PLCXD3: variants seen among roughly 807,000 people sequenced by gnomAD.
The protein encoded by PLCXD3 is PI-PLC X domain-containing protein 3.
Under a neutral mutation model 25.5 loss-of-function variants are expected in PLCXD3, and 19 were observed. That is an observed-to-expected ratio of 0.75 (90% CI 0.52 to 1.09). The LOEUF (loss-of-function observed/expected upper bound fraction) is 1.09. Among genes scored for constraint, PLCXD3 ranks in the 50% least tolerant of loss-of-function variants. The pLI is 0.00. For missense variants in PLCXD3, 411 were observed against 388.1 expected (o/e 1.06, Z -0.50); for synonymous variants, 174 against 137.6 (o/e 1.26, Z -1.85).
chr5:41,503,968 T>A (rs897860178), intron 1 of PLCXD3, among the ~76,000 whole-genome samples: 12 of 110,732 alleles, frequency 1.1e-4, no homozygotes, highest in Admixed American at 4.0e-4. Flanking sequence ...AATTAAAATG[T>A]GTGTGTGTGT....
chr5:41,449,071 G>A (rs376078623), intron 1 of PLCXD3, among the ~76,000 whole-genome samples: 3 of 151,942 alleles, frequency 2.0e-5, no homozygotes, highest in African/African-American at 7.3e-5. Context: ...GGACTCCTAC[G>A]ATATATATAG....
chr5:41,320,179 AT>A (rs1483591306), intron 2 of PLCXD3, among the ~76,000 whole-genome samples: 1 of 152,156 alleles, frequency 6.6e-6, no homozygotes, highest in Non-Finnish European at 1.5e-5. Flanking sequence ...TCTACCAAAC[AT>A]TTAAAGAAAA....
chr5:41,485,862 T>C (rs977597829), intron 1 of PLCXD3, among the ~76,000 whole-genome samples: 38 of 152,238 alleles, frequency 2.5e-4, no homozygotes, highest in Non-Finnish European at 1.5e-5. Flanking sequence ...TGACCTGCTC[T>C]TACATAGTTC....
At chr5:41,328,689 C>T (rs906951700) in intron 2 of PLCXD3, among the ~76,000 whole-genome samples, 5 of 152,088 alleles carry the variant, frequency 3.3e-5, no homozygotes, top group African/African-American at 1.2e-4. Context: ...GGGAAGCCTA[C>T]AGGAATCAGA....
rs542020809 is a variant in PLCXD3, at chr5:41,468,963, G to A, written c.103+41461C>T. ...TATCATTATCTTGTCTCTGATCTTC[G>A]AGGAAAAGCTTTCAAATTTTCACCA... is the stretch of plus-strand genomic sequence containing the variant. On this transcript the variant is annotated intron_variant, in intron 1 of 2. Coordinates refer to ENST00000377801, the MANE Select transcript of PLCXD3 (RefSeq NM_001005473.3). Among the ~76,000 whole-genome samples the A allele has an allele frequency of 1.2e-4, 19 of 152,164 alleles. No individual in the cohort carries two copies. In the East Asian group the frequency reaches 2.9e-3, roughly 23 times the overall value.
At chr5:41,393,118 G>A (rs1339266898) in intron 1 of PLCXD3, among the ~76,000 whole-genome samples, 1 of 152,146 alleles carries the variant, frequency 6.6e-6, no homozygotes, top group Non-Finnish European at 1.5e-5. Context: ...TGAAGAGAAA[G>A]TGGAAAAAGT....
chr5:41,329,790 A>G (rs1298816317), intron 2 of PLCXD3, among the ~76,000 whole-genome samples: 1 of 149,168 alleles, frequency 6.7e-6, no homozygotes, highest in African/African-American at 2.4e-5. Context: ...ATATAATCAG[A>G]TGTATTTAAT....
intron 2 of PLCXD3, among the ~76,000 whole-genome samples, chr5:41,359,443 G>A (rs529544282): frequency 6.6e-6 from 1 of 152,186 alleles, no homozygotes; most frequent in South Asian, 2.1e-4. Context: ...TTTAATCTGG[G>A]AGGGTTGTAT....
In PLCXD3 at chr5:41,382,025, A is replaced by G. The variant is rs1388886851; in HGVS notation, c.613T>C (p.Phe205Leu). ...GGCATCATCTGCCCAGGCCAGAGAA[A>G]GGGCACTTCCAGAGCCACTGGACTA... ...YHSPVALEVP[F>L]LWPGQMMPAP... The change falls in exon 2 of 3, where the codon TTT becomes CTT. Residue 205 changes from phenylalanine (F) to leucine (L), a missense_variant. Phe to Leu is a conservative substitution (Grantham distance 22). Transcript: ENST00000377801. 4 of 1,613,460 alleles carry G rather than the reference A, an allele frequency of 2.5e-6. No homozygotes were observed. The African/African-American group carries it at 5.3e-5, about 22-fold the overall frequency.
intron 2 of PLCXD3, among the ~76,000 whole-genome samples, chr5:41,354,442 T>A (rs1256808770): frequency 1.3e-5 from 2 of 152,156 alleles, no homozygotes; most frequent in African/African-American, 4.8e-5. Context: ...CTTTGACTCC[T>A]CATTTCCTCC....
rs6868285 is a variant in PLCXD3, at chr5:41,417,638, C to G, written c.104-35104G>C. 3.8e-3 allele frequency among the ~76,000 whole-genome samples: 574 copies of G among 152,318 alleles called. 3 individuals are homozygous for G. Among genetic ancestry groups the G allele is most frequent in the African/African-American group, 0.013 (536 of 41,574 alleles). On this transcript the variant is annotated intron_variant, in intron 1 of 2. Transcript: ENST00000377801. ...ATATTAACTACTCTCTGATTAACAG[C>G]TAATTATTGCAAATGAGTTTACTGA...
At chr5:41,380,329 G>A (rs915183869) in intron 2 of PLCXD3, among the ~76,000 whole-genome samples, 6 of 151,898 alleles carry the variant, frequency 4.0e-5, no homozygotes, top group South Asian at 2.1e-4. Context: ...CATTGCTTGC[G>A]TATTATCCCC....
chr5:41,382,572 C>T (rs375494752), intron 1 of PLCXD3, 38 bp from the exon 2 acceptor site: 27 of 1,478,932 alleles, frequency 1.8e-5, no homozygotes, highest in African/African-American at 5.6e-5. Flanking sequence ...TTAATTTCCA[C>T]GTCTTTGCCC....
chr5:41,400,595 C>T (rs961681579), intron 1 of PLCXD3, among the ~76,000 whole-genome samples: 3 of 151,990 alleles, frequency 2.0e-5, no homozygotes, highest in African/African-American at 7.2e-5. Flanking sequence ...CACAGAAAGA[C>T]AAACACTGCA....
intron 1 of PLCXD3, among the ~76,000 whole-genome samples, chr5:41,486,349 T>C (rs982894158): frequency 5.9e-5 from 9 of 152,082 alleles, no homozygotes; most frequent in African/African-American, 2.2e-4. Context: ...CAATCACGTG[T>C]CACTATGTCT....
intron 1 of PLCXD3, among the ~76,000 whole-genome samples, chr5:41,494,394 A>G (rs912461342): frequency 6.6e-6 from 1 of 152,256 alleles, no homozygotes. Flanking sequence ...GGACTGTAAT[A>G]GTGGCAGCAG....
At chr5:41,490,238 T>A (rs1748628645) in intron 1 of PLCXD3, among the ~76,000 whole-genome samples, 1 of 152,224 alleles carries the variant, frequency 6.6e-6, no homozygotes, top group African/African-American at 2.4e-5. Flanking sequence ...GGATTACATT[T>A]ATTGATTTGT....
At chr5:41,510,400 A>G (rs1739025188) in intron 1 of PLCXD3, 24 bp downstream of exon 1, 2 of 1,582,698 alleles carry the variant, frequency 1.3e-6, no homozygotes, top group African/African-American at 1.4e-5. Flanking sequence ...CCGAGCGCCT[A>G]GCCCGCAGCC....
At chr5:41,336,590 C>T (rs1354971833) in intron 2 of PLCXD3, among the ~76,000 whole-genome samples, 12 of 152,158 alleles carry the variant, frequency 7.9e-5, no homozygotes, top group Admixed American at 7.9e-4. Flanking sequence ...ATGGAGAGTG[C>T]TCATTCTTCT....
Sources: allele counts gnomAD v4.1 joint callset (sites outside exome capture counted in the v4.1 genomes callset), GRCh38; gene constraint gnomAD v4.1.1; transcripts MANE v1.5; gene names NCBI Gene and HGNC (gene_info 2026-07-23, HGNC 2026-07-21).